PRKCZ: variants seen among roughly 807,000 people sequenced by gnomAD.
PRKCZ encodes protein kinase C zeta, also known as protein kinase C zeta type.
In PRKCZ, 33 loss-of-function variants were observed where a neutral mutation model predicts 79.5. That is an observed-to-expected ratio of 0.41 (90% CI 0.31 to 0.55). PRKCZ has a LOEUF of 0.55. PRKCZ is among the 20% of genes least tolerant of loss of function. The pLI is 0.19. For synonymous variants in PRKCZ, 342 were observed against 320.9 expected (o/e 1.07, Z -0.70); for missense variants, 578 against 813.5 (o/e 0.71, Z 3.52).
chr1:2,093,186 G>A (rs59417020), intron 4 of PRKCZ, among the ~76,000 whole-genome samples: 1,987 of 151,758 alleles, frequency 0.013, 41 homozygotes, highest in African/African-American at 0.046. Flanking sequence ...GGGCCCCACC[G>A]GCAGAGCTGC....
rs986945127 is a variant in PRKCZ, at chr1:2,113,188, C to T, written c.335-22074C>T. On this transcript the variant is annotated intron_variant, in intron 4 of 17. Transcript: ENST00000378567. ...GATCCCTCCAGGGTCTCAGTTCTGA[C>T]TAGCGAGTACCTCGATTCATGAGTA... Among the ~76,000 whole-genome samples the T allele has an allele frequency of 3.3e-5, 5 of 152,376 alleles. No homozygotes were observed. The South Asian group carries it at 1.0e-3, about 32-fold the overall frequency.
intron 5 of PRKCZ, among the ~76,000 whole-genome samples, chr1:2,139,786 G>A (rs190449054): frequency 2.0e-5 from 3 of 152,336 alleles, no homozygotes; most frequent in Non-Finnish European, 4.4e-5. Flanking sequence ...TGTGTATGGG[G>A]AAGATCAGCT....
At chr1:2,163,144 C>G (rs1682643554) in intron 10 of PRKCZ, among the ~76,000 whole-genome samples, 1 of 152,232 alleles carries the variant, frequency 6.6e-6, no homozygotes, top group Non-Finnish European at 1.5e-5. Flanking sequence ...CGGCCCTGTC[C>G]TATTCCTGAC....
chr1:2,059,697 C>T (rs1244544923), intron 4 of PRKCZ, 106 bp downstream of exon 4: 16 of 1,442,564 alleles, frequency 1.1e-5, no homozygotes, highest in Middle Eastern at 1.8e-4. Flanking sequence ...GGTTCACCCT[C>T]GTGGAGCGTC....
intron 5 of PRKCZ, among the ~76,000 whole-genome samples, chr1:2,136,878 A>G (rs1380632392): frequency 6.6e-6 from 1 of 152,200 alleles, no homozygotes; most frequent in East Asian, 1.9e-4. Flanking sequence ...TGGGGCTGGA[A>G]GTCCAAAACG....
rs1383992545 is a variant in PRKCZ, at chr1:2,172,883, T to C, written c.1285+495T>C. On this transcript the variant is annotated intron_variant, in intron 13 of 17. Transcript: ENST00000378567. This position sits in a 1 kb window ranked among gnomAD's most constrained non-coding sequence, Gnocchi z 7.8. ...ACGCGTGTGCAGCCGTGTGTGCGTG[T>C]GTGAAACGGGGACGTGGGCACGCGT... Among the ~76,000 whole-genome samples, 3 of 151,700 alleles carry C rather than the reference T, an allele frequency of 2.0e-5. No individual in the cohort carries two copies. The highest frequency in any genetic ancestry group is 2.9e-5 in the Non-Finnish European group (2 of 67,988).
chr1:2,062,200 G>C (rs1371478860), intron 4 of PRKCZ, among the ~76,000 whole-genome samples: 1 of 152,154 alleles, frequency 6.6e-6, no homozygotes, highest in African/African-American at 2.4e-5. Flanking sequence ...TCATCTCTAT[G>C]TAGTTACAAA....
At chr1:2,135,139 TCCCTGCCTG>T (rs1675917037) in intron 4 of PRKCZ, 114 bp from the exon 5 acceptor site, 9 of 763,682 alleles carry the variant, frequency 1.2e-5, no homozygotes, top group Admixed American at 2.8e-5. Flanking sequence ...AGCCCTGCCT[TCCCTGCCTG>T]GGAGGACGCT....
intron 3 of PRKCZ, 115 bp downstream of exon 3, chr1:2,056,688 A>T: frequency 1.1e-6 from 1 of 876,394 alleles, no homozygotes. Flanking sequence ...CAGAGAATTT[A>T]GGGATGTCTA....
At chr1:2,060,633 T>G (rs1047542452) in intron 4 of PRKCZ, among the ~76,000 whole-genome samples, 4 of 152,210 alleles carry the variant, frequency 2.6e-5, no homozygotes, top group Non-Finnish European at 5.9e-5. Flanking sequence ...TTCCAGGCCC[T>G]CAGCCAACCG....
rs1340161623 is a variant in PRKCZ, at chr1:2,128,449, G to A, written c.335-6813G>A. Among the ~76,000 whole-genome samples, 5 of 152,252 alleles carry A rather than the reference G, an allele frequency of 3.3e-5. No homozygotes were observed. The highest frequency in any genetic ancestry group is 9.6e-5 in the African/African-American group (4 of 41,462). Reference sequence around the variant, plus strand: ...TGCTCCGAGTTTAGTGTTTTAAAACGTGTTTTCTACGTCTTGTCAGAGTGC... The same window carrying A: ...TGCTCCGAGTTTAGTGTTTTAAAACATGTTTTCTACGTCTTGTCAGAGTGC... On this transcript the variant is annotated intron_variant, in intron 4 of 17. Coordinates refer to ENST00000378567, the MANE Select transcript of PRKCZ (RefSeq NM_002744.6). This position sits in a 1 kb window ranked among gnomAD's most constrained non-coding sequence, Gnocchi z 6.5.
chr1:2,151,028 G>T (rs1679793022), intron 9 of PRKCZ, 50 bp downstream of exon 9: 1 of 1,595,444 alleles, frequency 6.3e-7, no homozygotes, highest in African/African-American at 1.3e-5. Flanking sequence ...GCGCTGCCCT[G>T]GGGCCTCCTC....
At chr1:2,067,497 G>T (rs536274802) in intron 4 of PRKCZ, among the ~76,000 whole-genome samples, 14 of 152,296 alleles carry the variant, frequency 9.2e-5, no homozygotes, top group African/African-American at 3.1e-4. Context: ...GTCACGCCCC[G>T]GTCGAGTGGG....
intron 16 of PRKCZ, chr1:2,184,276 C>T (rs1477323508): frequency 3.0e-5 from 10 of 331,648 alleles, no homozygotes; most frequent in East Asian, 7.8e-5. Flanking sequence ...TTGTCGGTGC[C>T]CCTCTGAACA....
intron 4 of PRKCZ, among the ~76,000 whole-genome samples, chr1:2,130,652 G>C (rs1452751121): frequency 6.6e-6 from 1 of 151,972 alleles, no homozygotes; most frequent in Non-Finnish European, 1.5e-5. Flanking sequence ...CTGCTGCTTA[G>C]GGAGCTCAGC....
rs536328429 is a variant in PRKCZ, at chr1:2,128,778, C to T, written c.335-6484C>T. Among the ~76,000 whole-genome samples, 1 of 152,304 alleles carries T rather than the reference C, an allele frequency of 6.6e-6. No individual in the cohort carries two copies. The highest frequency in any genetic ancestry group is 1.9e-4 in the East Asian group (1 of 5,168). On this transcript the variant is annotated intron_variant, in intron 4 of 17. Transcript: ENST00000378567. The surrounding 1 kb of genome is among the most constrained non-coding windows in gnomAD (Gnocchi z 6.5). The stretch of plus-strand genomic sequence containing the variant: ...GCTGTCCACTGCAGGAGACCCCAGG[C>T]TGTGTCCACACGTACCCCCGGAAGG...
chr1:2,146,221 T>G, intron 7 of PRKCZ, 113 bp downstream of exon 7: 1 of 1,074,684 alleles, frequency 9.3e-7, no homozygotes, highest in Non-Finnish European at 1.4e-6. Flanking sequence ...CAGGGGTCAT[T>G]GTCTTCAAGC....
At chr1:2,153,617 A>G (rs1469666636) in intron 9 of PRKCZ, among the ~76,000 whole-genome samples, 1 of 152,230 alleles carries the variant, frequency 6.6e-6, no homozygotes, top group African/African-American at 2.4e-5. Flanking sequence ...CCCTGCTGAC[A>G]GCCCCGCTGC....
rs1350232995 is a variant in PRKCZ, at chr1:2,082,884, GGGAGAGGGT to G, written c.334+23305_334+23313del. ...GTGGAGGGGTGGTGTGAGGGTGCAA[GGGAGAGGGT>G]GGAGAGGGTGGCAGTGAGGGCGCGA... On this transcript the variant is annotated intron_variant, in intron 4 of 17. Transcript: ENST00000378567. The surrounding 1 kb of genome is among the most constrained non-coding windows in gnomAD (Gnocchi z 4.4). Among the ~76,000 whole-genome samples, 1 of 150,626 alleles carries G rather than the reference GGGAGAGGGT, an allele frequency of 6.6e-6. No individual in the cohort carries two copies. Among genetic ancestry groups the G allele is most frequent in the African/African-American group, 2.4e-5 (1 of 40,930 alleles).
Sources: gnomAD v4.1 joint callset for allele counts (sites outside exome capture counted in the v4.1 genomes callset) on GRCh38, gnomAD v4.1.1 for gene constraint, Gnocchi (gnomAD v3.1) non-coding constraint, MANE v1.5 for transcripts, NCBI Gene and HGNC (gene_info 2026-07-23, HGNC 2026-07-21) for gene names.